The following C8orf58 variants were observed in gnomAD, a reference collection of about 807,000 sequenced individuals.
C8orf58 encodes the protein uncharacterized protein C8orf58.
C8orf58 carries 31 observed loss-of-function variants against 36.8 expected under a neutral mutation model. The observed-to-expected ratio is 0.84, with a 90% CI of 0.63 to 1.14. C8orf58 has a LOEUF of 1.14. Ranked by LOEUF, C8orf58 falls within the 50% of genes most tolerant of loss-of-function variation. The pLI, the probability that C8orf58 is intolerant of heterozygous loss-of-function variation, is 0.00. For synonymous variants in C8orf58, 230 were observed against 200.2 expected, an observed-to-expected ratio of 1.15 and a Z score of -1.26; for missense variants, 538 against 480.8, an observed-to-expected ratio of 1.12 and a Z score of -1.11.
rs139447220 is a variant in C8orf58 at position 22,602,015 on chromosome 8, C to G, written c.701C>G (p.Pro234Arg). ...EESTRAPLPS[P>R]LHTPGNRGQG... ...TCGACCCGAGCCCCTTTACCGTCCCCGTTACACACCCCAGGCAATCGGGGG... is the reference window on the plus strand; with the variant it reads ...TCGACCCGAGCCCCTTTACCGTCCCGGTTACACACCCCAGGCAATCGGGGG... Residue 234 changes from proline (P) to arginine (R), a missense_variant, in exon 4 of 7, where the codon CCG becomes CGG. By Grantham distance (103) the Pro-to-Arg change is moderately radical. Coordinates refer to ENST00000289989, the MANE Select transcript of C8orf58 (RefSeq NM_001013842.3). The G allele has an allele frequency of 5.7e-6, 9 of 1,576,118 alleles. No homozygotes were observed. Among genetic ancestry groups the G allele is most frequent in the South Asian group, 2.3e-5 (2 of 86,632 alleles).
chr8:22,601,070 G>A lies in C8orf58; in HGVS notation c.229G>A (p.Asp77Asn). 1 of 1,612,778 alleles carries A rather than the reference G, an allele frequency of 6.2e-7. No homozygotes were observed. Among genetic ancestry groups the A allele is most frequent in the East Asian group, 2.2e-5 (1 of 44,886 alleles). The change falls in exon 2 of 7, where the codon GAC becomes AAC. Residue 77 changes from aspartate to asparagine, a missense_variant. Asp to Asn is a conservative substitution (Grantham distance 23). Transcript: ENST00000289989. The stretch of plus-strand genomic sequence containing the variant: ...CTCAGGAGTGGAGATGGCAGTTGGG[G>A]ACAGCCCCCTGGCCGCCTTACCGGG... ...RDSGVEMAVGDSPLAALPGLS... is the reference protein window; with the variant it reads ...RDSGVEMAVGNSPLAALPGLS...
chr8:22,599,739 G>T lies in C8orf58; in HGVS notation c.19G>T (p.Ala7Ser). ...GCGGGCCATGATGGGCCGGCGGCGC[G>T]CCTTCGCCGTGGACGGCCGGGGTGA... MMGRRR[A>S]FAVDGRDGAG... The change falls in exon 1 of 7, where the codon GCC becomes TCC. Residue 7 changes from alanine to serine, a missense_variant. By Grantham distance (99) the Ala-to-Ser change is moderately conservative (BLOSUM62 1). Coordinates refer to ENST00000289989, the MANE Select transcript of C8orf58 (RefSeq NM_001013842.3). 1 of 1,219,076 alleles carries T rather than the reference G, an allele frequency of 8.2e-7. No individual in the cohort carries two copies. Among genetic ancestry groups the T allele is most frequent in the South Asian group, 4.1e-5 (1 of 24,224 alleles). 75.5% of individuals were successfully genotyped at this position (1,219,076 alleles called of 1,614,324 possible).
rs1219517975 is a variant in C8orf58, at chr8:22,603,221, G to C, written c.1013G>C (p.Arg338Thr). The C allele has an allele frequency of 1.2e-6, 2 of 1,613,740 alleles. No homozygotes were observed. The highest frequency in any genetic ancestry group is 2.2e-5 in the East Asian group (1 of 44,890). ...ATCGAGTCCAGGGACCTCCCTGAAA[G>C]GCCTCAGTGCCGCCCCCACCGGAAG... ...PRIESRDLPERPQCRPHRKTF... is the reference protein window; with the variant it reads ...PRIESRDLPETPQCRPHRKTF... Residue 338 changes from arginine (R) to threonine (T), a missense_variant, in exon 7 of 7, where the codon AGG becomes ACG. By Grantham distance (71) the Arg-to-Thr change is moderately conservative. Coordinates refer to ENST00000289989, the MANE Select transcript of C8orf58 (RefSeq NM_001013842.3).
rs1349112773 is a variant in C8orf58 at position 22,601,067 on chromosome 8, G to C, written c.226G>C (p.Gly76Arg). The stretch of plus-strand genomic sequence containing the variant: ...GGACTCAGGAGTGGAGATGGCAGTT[G>C]GGGACAGCCCCCTGGCCGCCTTACC... ...SRDSGVEMAV[G>R]DSPLAALPGL... The change falls in exon 2 of 7, where the codon GGG (glycine) becomes CGG (arginine). Residue 76 changes from glycine (G) to arginine (R), a missense_variant. Coordinates refer to ENST00000289989, the MANE Select transcript of C8orf58 (RefSeq NM_001013842.3). 1 of 1,612,786 alleles carries C rather than the reference G, an allele frequency of 6.2e-7. No homozygotes were observed. The highest frequency in any genetic ancestry group is 1.7e-5 in the Admixed American group (1 of 60,032).
intron 2 of C8orf58, 127 bp downstream of exon 2, chr8:22,601,484 T>G: frequency 1.1e-6 from 1 of 947,948 alleles, no homozygotes; most frequent in Non-Finnish European, 1.6e-6. Context: ...CATAGGTTCT[T>G]TCTGCACCCC....
intron 1 of C8orf58, 35 bp downstream of exon 1, chr8:22,599,795 C>T: frequency 7.1e-6 from 8 of 1,124,546 alleles, no homozygotes; most frequent in Non-Finnish European, 9.0e-6. Context: ...CCGGGCTCCC[C>T]CCTGCCCCGG....
rs755783146 is a variant in C8orf58 at position 22,601,345 on chromosome 8, GGAA to G, written c.510_512del (p.Glu171del). 1.3e-6 allele frequency: 2 copies of G among 1,578,878 alleles called. No homozygotes were observed. The highest frequency in any genetic ancestry group is 2.3e-5 in the South Asian group (2 of 88,196). On this transcript the variant is annotated inframe_deletion, in exon 2 of 7. Coordinates refer to ENST00000289989, the MANE Select transcript of C8orf58 (RefSeq NM_001013842.3). The stretch of plus-strand genomic sequence containing the variant: ...CAGACACAGACCTAGAGGCAGGCCT[GGAA>G]GAAGAGGCGGTGAGTGCTCACTCTC...
chr8:22,602,584 C>A lies in C8orf58; in HGVS notation c.927C>A (p.Ile309=). ...AGGTCAAGGTCCTGCTCAACCGGAT[C>A]TGCCGGAGAAGCCACCACCACCCTG... ...WDKVKVLLNR[I]CRRSHHHPEP... The change falls in exon 6 of 7, where the codon ATC becomes ATA. Residue 309 remains isoleucine (I), a synonymous_variant. Transcript: ENST00000289989. 1 of 1,580,570 alleles carries A rather than the reference C, an allele frequency of 6.3e-7. No individual in the cohort carries two copies. The highest frequency in any genetic ancestry group is 1.2e-5 in the South Asian group (1 of 85,506).
At chr8:22,600,524 G>A in intron 1 of C8orf58, 1 of 290,366 alleles carries the variant, frequency 3.4e-6, no homozygotes, top group South Asian at 4.1e-5. Flanking sequence ...ACTCCCGCTT[G>A]GGGAGCAGCG....
intron 2 of C8orf58, 135 bp downstream of exon 2, chr8:22,601,492 C>T (rs1412594200): frequency 2.1e-6 from 2 of 933,572 alleles, no homozygotes; most frequent in Admixed American, 2.9e-5. Flanking sequence ...CTTTCTGCAC[C>T]CCAGTTCCAT....
Position 22,603,520 on chromosome 8 carries a change from C to A in C8orf58, c.*214C>A. 3 of 595,848 alleles carry A rather than the reference C, an allele frequency of 5.0e-6. No homozygotes were observed. The highest frequency in any genetic ancestry group is 6.0e-6 in the Non-Finnish European group (2 of 330,928). The allele number at this position is 595,848 out of a possible 1,614,324, so 36.9% of individuals were successfully genotyped here. On this transcript the variant is annotated 3_prime_UTR_variant, in exon 7 of 7. Coordinates refer to ENST00000289989, the MANE Select transcript of C8orf58 (RefSeq NM_001013842.3). ...CCCCCAAGATGCCGCAGCTCCAGGGCTCTTCCTCCTCACCAGAAATCCCTG... is the reference window on the plus strand; with the variant it reads ...CCCCCAAGATGCCGCAGCTCCAGGGATCTTCCTCCTCACCAGAAATCCCTG...
chr8:22,602,051 G>T lies in C8orf58; in HGVS notation c.737G>T (p.Trp246Leu). ...HTPGNRGQGP[W>L]ELLSQTEHTG... The stretch of plus-strand genomic sequence containing the variant: ...CCAGGCAATCGGGGGCAGGGGCCAT[G>T]GGAGCTGCTAAGCCAGACAGAGCAC... Residue 246 changes from tryptophan (W) to leucine (L), a missense_variant, in exon 4 of 7, where the codon TGG becomes TTG. Trp to Leu is a moderately conservative substitution (Grantham distance 61). Coordinates refer to ENST00000289989, the MANE Select transcript of C8orf58 (RefSeq NM_001013842.3). 6.3e-7 allele frequency: 1 copy of T among 1,578,942 alleles called. No individual in the cohort carries two copies.
In C8orf58 at chr8:22,602,196, G is replaced by A. The variant is rs1186677928; in HGVS notation, c.767-4G>A. ...CCCTGGCCAACCTGACTGTCTTTCT[G>A]AAGGAGCAAAGGCTGCTTCACCCCC... On this transcript the variant is annotated splice_polypyrimidine_tract_variant and splice_region_variant and intron_variant, in intron 4 of 6. Transcript: ENST00000289989. The A allele has an allele frequency of 1.3e-6, 2 of 1,592,090 alleles. No individual in the cohort carries two copies. Among genetic ancestry groups the A allele is most frequent in the African/African-American group, 2.7e-5 (2 of 74,838 alleles).
chr8:22,602,050 T>A lies in C8orf58; in HGVS notation c.736T>A (p.Trp246Arg). ...CCCAGGCAATCGGGGGCAGGGGCCA[T>A]GGGAGCTGCTAAGCCAGACAGAGCA... Reference protein sequence around the residue: ...HTPGNRGQGPWELLSQTEHTG... With the variant: ...HTPGNRGQGPRELLSQTEHTG... Residue 246 changes from tryptophan to arginine, a missense_variant, in exon 4 of 7, where the codon TGG becomes AGG. By Grantham distance (101) the Trp-to-Arg change is moderately radical (BLOSUM62 -3). Coordinates refer to ENST00000289989, the MANE Select transcript of C8orf58 (RefSeq NM_001013842.3). 5.1e-6 allele frequency: 8 copies of A among 1,578,644 alleles called. No individual in the cohort carries two copies. The highest frequency in any genetic ancestry group is 6.9e-6 in the Non-Finnish European group (8 of 1,159,032).
chr8:22,600,823 C>T lies in C8orf58; in HGVS notation c.41-59C>T, dbSNP rs1301364569. 9.9e-6 allele frequency: 14 copies of T among 1,410,094 alleles called. No homozygotes were observed. The South Asian group carries it at 1.2e-4, about 12-fold the overall frequency. The allele number at this position is 1,410,094 out of a possible 1,614,324, so 87.3% of individuals were successfully genotyped here. ...TCCCTGGGGCAGTGCTGCCAGCCTT[C>T]AGGAATGCTGGGGGTGTTGGGGGTG... On this transcript the variant is annotated intron_variant, in intron 1 of 6. Coordinates refer to ENST00000289989, the MANE Select transcript of C8orf58 (RefSeq NM_001013842.3).
chr8:22,601,567 C>T (rs1420007513), intron 2 of C8orf58, 145 bp from the exon 3 acceptor site: 20 of 1,115,026 alleles, frequency 1.8e-5, no homozygotes, highest in South Asian at 6.2e-5. Context: ...CACTATGCCC[C>T]GCTGGGCAGT....
chr8:22,602,644 G>A lies in C8orf58; in HGVS notation c.986+1G>A. On this transcript the variant is annotated splice_donor_variant, in intron 6 of 6. Coordinates refer to ENST00000289989, the MANE Select transcript of C8orf58 (RefSeq NM_001013842.3). LOFTEE classifies it high-confidence loss of function. ...CCCCTCCTGATGGCTCTGACCCCAG[G>A]TGAGCCCCGTGCCCAGCCCAGGTTA... is the stretch of plus-strand genomic sequence containing the variant. The A allele has an allele frequency of 6.5e-7, 1 of 1,528,632 alleles. No individual in the cohort carries two copies. Among genetic ancestry groups the A allele is most frequent in the Non-Finnish European group, 8.8e-7 (1 of 1,132,298 alleles). 94.7% of individuals were successfully genotyped at this position (1,528,632 alleles called of 1,614,324 possible).
intron 2 of C8orf58, 54 bp downstream of exon 2, chr8:22,601,411 T>G: frequency 7.3e-7 from 1 of 1,369,626 alleles, no homozygotes; most frequent in Non-Finnish European, 9.9e-7. Flanking sequence ...GCCTAGCTCC[T>G]CTGGTTCTCC....
At chr8:22,602,779 CAG>C (rs1405323130) in intron 6 of C8orf58, 136 bp downstream of exon 6, 5 of 629,754 alleles carry the variant, frequency 7.9e-6, no homozygotes, top group South Asian at 2.1e-5. Flanking sequence ...CTAGAAGAAA[CAG>C]TAGTTAAAAC....
Sources: allele counts gnomAD v4.1 joint callset, GRCh38; gene constraint gnomAD v4.1.1; transcripts MANE v1.5; gene names NCBI Gene and HGNC (gene_info 2026-07-23, HGNC 2026-07-21).